The following EYA4 variants were observed in gnomAD, a reference collection of about 807,000 sequenced individuals.
The protein encoded by EYA4 is EYA transcriptional coactivator and phosphatase 4.
EYA4 carries 31 observed loss-of-function variants against 87.9 expected under a neutral mutation model. The ratio of observed to expected loss-of-function variants is 0.35; its 90% CI spans 0.27 to 0.48. The LOEUF is 0.48. Among genes scored for constraint, EYA4 ranks in the 20% least tolerant of loss-of-function variants. The pLI, the probability that EYA4 is intolerant of heterozygous loss-of-function variation, is 0.99. For missense variants in EYA4, 678 were observed against 761.4 expected (o/e 0.89, Z 1.29); for synonymous variants, 263 against 270.6 (o/e 0.97, Z 0.28).
intron 3 of EYA4, among the ~76,000 whole-genome samples, chr6:133,394,891 T>A (rs1191549358): frequency 6.6e-6 from 1 of 152,236 alleles, no homozygotes; most frequent in African/African-American, 2.4e-5. Context: ...GCTTTAGTAA[T>A]CCCTGAGGAC....
At chr6:133,449,217 A>G (rs1793163003) in intron 5 of EYA4, among the ~76,000 whole-genome samples, 1 of 152,244 alleles carries the variant, frequency 6.6e-6, no homozygotes, top group Non-Finnish European at 1.5e-5. Flanking sequence ...CTCTGCCATC[A>G]TAGTGCAAAA....
chr6:133,310,448 A>G (rs965492434), intron 2 of EYA4, among the ~76,000 whole-genome samples: 18 of 152,212 alleles, frequency 1.2e-4, no homozygotes, highest in African/African-American at 3.9e-4. Flanking sequence ...ATAATATGCT[A>G]GGATACAGAT....
At chr6:133,416,738 A>T (rs1299221554) in intron 3 of EYA4, among the ~76,000 whole-genome samples, 1 of 152,240 alleles carries the variant, frequency 6.6e-6, no homozygotes, top group Non-Finnish European at 1.5e-5. Flanking sequence ...TGCTTGGCAG[A>T]AAAGAGTAGA....
chr6:133,336,090 A>G (rs903357763), intron 2 of EYA4, among the ~76,000 whole-genome samples: 1 of 152,184 alleles, frequency 6.6e-6, no homozygotes, highest in African/African-American at 2.4e-5. Context: ...GCCAACTATT[A>G]TAAATAGAAA....
At chr6:133,322,751 T>C (rs79780990) in intron 2 of EYA4, among the ~76,000 whole-genome samples, 5 of 152,140 alleles carry the variant, frequency 3.3e-5, no homozygotes, top group African/African-American at 4.8e-5. Flanking sequence ...ATCTTGTAAA[T>C]AAGCATATAT....
intron 1 of EYA4, among the ~76,000 whole-genome samples, chr6:133,259,002 G>T (rs1052697226): frequency 1.3e-5 from 2 of 151,646 alleles, no homozygotes; most frequent in Admixed American, 1.3e-4. Context: ...TTTTTATTTG[G>T]GTATAAATGT....
At chr6:133,372,246 C>A (rs1011018176) in intron 2 of EYA4, among the ~76,000 whole-genome samples, 5 of 151,982 alleles carry the variant, frequency 3.3e-5, no homozygotes, top group Non-Finnish European at 7.4e-5. Flanking sequence ...TCACATAGAA[C>A]TATTTTCAGC....
chr6:133,512,473 T>A (rs1158599902), intron 14 of EYA4, among the ~76,000 whole-genome samples: 13 of 152,198 alleles, frequency 8.5e-5, no homozygotes, highest in Non-Finnish European at 1.9e-4. Flanking sequence ...TAAATTGCTC[T>A]AAAGAAACTC....
intron 3 of EYA4, among the ~76,000 whole-genome samples, chr6:133,404,047 C>G (rs1788489752): frequency 1.3e-5 from 2 of 152,160 alleles, no homozygotes; most frequent in South Asian, 4.1e-4. Context: ...CTCCCGACCT[C>G]AGGTGATCCA....
chr6:133,431,609 AATATGAAGTGCACCATC>A (rs1333212535), intron 3 of EYA4, among the ~76,000 whole-genome samples: 1 of 152,218 alleles, frequency 6.6e-6, no homozygotes, highest in African/African-American at 2.4e-5. Flanking sequence ...AAGCCAGTGC[AATATGAAGTGCACCATC>A]CCTCCTCAGC....
intron 3 of EYA4, among the ~76,000 whole-genome samples, chr6:133,398,429 T>A (rs764473827): frequency 2.0e-5 from 3 of 152,238 alleles, no homozygotes; most frequent in Non-Finnish European, 4.4e-5. Flanking sequence ...TATCAGTTGG[T>A]TGAACTCTTG....
At chr6:133,242,895 T>C (rs563188365) in intron 1 of EYA4, among the ~76,000 whole-genome samples, 2 of 152,128 alleles carry the variant, frequency 1.3e-5, no homozygotes, top group Non-Finnish European at 2.9e-5. Context: ...GGGAGAGTGG[T>C]GTGGAGACTG....
intron 6 of EYA4, among the ~76,000 whole-genome samples, chr6:133,458,418 G>A (rs1014413431): frequency 2.0e-5 from 3 of 152,054 alleles, no homozygotes; most frequent in African/African-American, 7.2e-5. Flanking sequence ...TTTAACAGCT[G>A]CATGTGGTTA....
rs937065424 is a variant in EYA4, at chr6:133,324,103, C to T, written c.33+49290C>T. Among the ~76,000 whole-genome samples, 64 of 152,108 alleles carry T rather than the reference C, an allele frequency of 4.2e-4. 1 individual carries two copies. The highest frequency in any genetic ancestry group is 1.5e-5 in the Non-Finnish European group (1 of 68,024). On this transcript the variant is annotated intron_variant, in intron 2 of 19. Coordinates refer to ENST00000355286, the MANE Select transcript of EYA4 (RefSeq NM_004100.5). ...TTTCAAAGACAACTTGAAAATTGGA[C>T]ACCAATTCATATATAATGCATATAT...
At chr6:133,391,641 T>C (rs1018680155) in intron 3 of EYA4, among the ~76,000 whole-genome samples, 1 of 152,162 alleles carries the variant, frequency 6.6e-6, no homozygotes, top group African/African-American at 2.4e-5. Flanking sequence ...TTCCTCTCTT[T>C]TTCATTATCT....
chr6:133,405,613 G>A (rs74773528), intron 3 of EYA4, among the ~76,000 whole-genome samples: 5,243 of 152,130 alleles, frequency 0.034, 281 homozygotes, highest in East Asian at 0.22. Flanking sequence ...TATGTTCCAG[G>A]CACAATTTTA....
intron 2 of EYA4, among the ~76,000 whole-genome samples, chr6:133,372,833 A>T (rs1785378004): frequency 6.6e-6 from 1 of 151,836 alleles, no homozygotes; most frequent in Non-Finnish European, 1.5e-5. Context: ...TTTTGTGTGC[A>T]TTCTATCAAT....
At chr6:133,242,928 C>G (rs1043681539) in intron 1 of EYA4, among the ~76,000 whole-genome samples, 1 of 152,132 alleles carries the variant, frequency 6.6e-6, no homozygotes, top group Non-Finnish European at 1.5e-5. Flanking sequence ...GCGTCTCCTG[C>G]GCCTCTCCCC....
At chr6:133,377,172 A>G (rs1785763247) in intron 2 of EYA4, among the ~76,000 whole-genome samples, 1 of 152,170 alleles carries the variant, frequency 6.6e-6, no homozygotes, top group East Asian at 1.9e-4. Context: ...TACAAATCCT[A>G]TGCGTATTTT....
Sources: gnomAD v4.1 joint callset for allele counts (sites outside exome capture counted in the v4.1 genomes callset) on GRCh38, gnomAD v4.1.1 for gene constraint, MANE v1.5 for transcripts, NCBI Gene and HGNC (gene_info 2026-07-23, HGNC 2026-07-21) for gene names.